RFPL2: variants seen among roughly 807,000 people sequenced by gnomAD.
RFPL2 encodes the protein ret finger protein like 2.
Under a neutral mutation model 17.8 loss-of-function variants are expected in RFPL2, and 13 were observed. The ratio of observed to expected loss-of-function variants is 0.73; its 90% CI spans 0.47 to 1.16. The LOEUF (loss-of-function observed/expected upper bound fraction) is 1.16, where lower values mean the gene tolerates loss of function less well. Among genes scored for constraint, RFPL2 ranks in the 50% most tolerant of loss-of-function variants. RFPL2 has a pLI of 0.00. For synonymous variants in RFPL2, 189 were observed against 180.9 expected (o/e 1.04, Z -0.36); for missense variants, 431 against 479.3 (o/e 0.90, Z 0.94).
intron 2 of RFPL2, among the ~76,000 whole-genome samples, chr22:32,196,765 G>A (rs2123784197): frequency 6.6e-6 from 1 of 152,328 alleles, no homozygotes; most frequent in African/African-American, 2.4e-5. Flanking sequence ...GAAGAGATGT[G>A]ATGTCAATGA....
chr22:32,201,807 C>T (rs1037272114), intron 2 of RFPL2, among the ~76,000 whole-genome samples: 1 of 152,252 alleles, frequency 6.6e-6, no homozygotes, highest in South Asian at 2.1e-4. Context: ...AAACTGGGGG[C>T]ATCAGCAGCA....
In RFPL2 at chr22:32,197,207, T is replaced by C. The variant is rs1365374787; in HGVS notation, c.120-2717A>G. On this transcript the variant is annotated intron_variant, in intron 2 of 4. Coordinates refer to ENST00000652607, the MANE Select transcript of RFPL2 (RefSeq NM_001394555.1). ...GCACAGTGGCTCTGCAGCAGAAATC[T>C]TAGTGAATGTAAAGATATGAGTCCC... 2.0e-5 allele frequency among the ~76,000 whole-genome samples: 3 copies of C among 152,160 alleles called. No individual in the cohort carries two copies. The East Asian group carries it at 5.8e-4, about 29-fold the overall frequency.
At chr22:32,204,334 C>T (rs1187152434) in intron 1 of RFPL2, among the ~76,000 whole-genome samples, 1 of 152,162 alleles carries the variant, frequency 6.6e-6, no homozygotes, top group East Asian at 1.9e-4. Flanking sequence ...ACGGATAGCG[C>T]CCCCAGCAAG....
At chr22:32,191,693 C>T (rs756072724) in intron 4 of RFPL2, among the ~76,000 whole-genome samples, 2 of 152,146 alleles carry the variant, frequency 1.3e-5, no homozygotes, top group Non-Finnish European at 1.5e-5. Context: ...AATGATAAGA[C>T]AATGCAAGTG....
At chr22:32,196,794 G>C (rs1202248363) in intron 2 of RFPL2, among the ~76,000 whole-genome samples, 1 of 152,198 alleles carries the variant, frequency 6.6e-6, no homozygotes, top group African/African-American at 2.4e-5. Flanking sequence ...CATAGTGCAG[G>C]GTGAGGCAGC....
At chr22:32,202,900 T>A (rs1433093922) in intron 1 of RFPL2, 5 of 1,000,310 alleles carry the variant, frequency 5.0e-6, no homozygotes, top group African/African-American at 1.7e-5. Flanking sequence ...CACTACTGCG[T>A]GCCCCGGGGT....
Position 32,190,887 on chromosome 22 carries a change from C to T in RFPL2, c.1022G>A (p.Arg341His), listed in dbSNP as rs984497336. The T allele has an allele frequency of 6.3e-6, 10 of 1,594,104 alleles. No homozygotes were observed. Among genetic ancestry groups the T allele is most frequent in the South Asian group, 1.1e-5 (1 of 88,396 alleles). ...FRSVSAEEPL[R>H]PFLAPSVPPN... The stretch of plus-strand genomic sequence containing the variant: ...TGGAACTGAAGGAGCCAAAAATGGG[C>T]GCAATGGCTCCTCAGCAGATACGCT... Residue 341 changes from arginine (R) to histidine (H), a missense_variant, in exon 5 of 5, where the codon CGC (arginine) becomes CAC (histidine). Coordinates refer to ENST00000652607, the MANE Select transcript of RFPL2 (RefSeq NM_001394555.1).
rs367932991 is a variant in RFPL2 at position 32,202,493 on chromosome 22, G to T, written c.-42C>A. 139 of 1,556,502 alleles carry T rather than the reference G, an allele frequency of 8.9e-5. No homozygotes were observed. In the African/African-American group the frequency reaches 1.8e-3, roughly 20 times the overall value. On this transcript the variant is annotated 5_prime_UTR_variant, in exon 2 of 5. Coordinates refer to ENST00000652607, the MANE Select transcript of RFPL2 (RefSeq NM_001394555.1). ...TGCCACAGGCTCTAGCCTCCAGCCCGTGGCATGTAGCTCCTTCTCAGGGCA... is the reference window on the plus strand; with the variant it reads ...TGCCACAGGCTCTAGCCTCCAGCCCTTGGCATGTAGCTCCTTCTCAGGGCA...
chr22:32,190,508 T>C lies in RFPL2; in HGVS notation c.*264A>G, dbSNP rs1360799841. The stretch of plus-strand genomic sequence containing the variant: ...ATTTGAACTTGCAGAAATAAAAAAG[T>C]AAAGCATTTGGAAATTGATCCCAGA... On this transcript the variant is annotated 3_prime_UTR_variant, in exon 5 of 5. Transcript: ENST00000652607. 5.9e-6 allele frequency: 2 copies of C among 339,020 alleles called. No individual in the cohort carries two copies. The highest frequency in any genetic ancestry group is 4.2e-5 in the African/African-American group (2 of 47,286). 21.0% of individuals were successfully genotyped at this position (339,020 alleles called of 1,614,324 possible). A position where few individuals can be genotyped will look rare whatever the true frequency, so the allele number is the denominator to read the frequency against.
At chr22:32,200,505 G>C (rs1404463091) in intron 2 of RFPL2, among the ~76,000 whole-genome samples, 4 of 152,072 alleles carry the variant, frequency 2.6e-5, no homozygotes, top group Admixed American at 2.0e-4. Flanking sequence ...CAGACTCCCA[G>C]GGGTGTCTCC....
intron 2 of RFPL2, among the ~76,000 whole-genome samples, chr22:32,196,408 G>T (rs1471762634): frequency 6.6e-6 from 1 of 152,176 alleles, no homozygotes; most frequent in East Asian, 1.9e-4. Flanking sequence ...ATGATTTACA[G>T]TGGGATGAGA....
chr22:32,193,882 AAAAAG>A (rs1301902433), intron 3 of RFPL2, among the ~76,000 whole-genome samples: 3 of 151,260 alleles, frequency 2.0e-5, no homozygotes, highest in Non-Finnish European at 3.0e-5. Context: ...AAAAAAAAAA[AAAAAG>A]AGGGGCTGGA....
chr22:32,202,457 G>A lies in RFPL2; in HGVS notation c.-6C>T. 2 of 1,581,664 alleles carry A rather than the reference G, an allele frequency of 1.3e-6. No homozygotes were observed. Among genetic ancestry groups the A allele is most frequent in the East Asian group, 2.3e-5 (1 of 43,338 alleles). On this transcript the variant is annotated 5_prime_UTR_variant, in exon 2 of 5. Transcript: ENST00000652607. ...CCTAATTCAGCCACCTCCATCGGAG[G>A]CAAATCATGGTGCCACAGGCTCTAG... is the stretch of plus-strand genomic sequence containing the variant.
At chr22:32,191,919 G>GAAA (rs136476) in intron 4 of RFPL2, among the ~76,000 whole-genome samples, 4 of 148,578 alleles carry the variant, frequency 2.7e-5, no homozygotes, top group African/African-American at 9.8e-5. Context: ...AGAACATTCT[G>GAAA]AAAAAAAAAA....
At chr22:32,192,788 T>A (rs946355399) in intron 4 of RFPL2, 114 bp downstream of exon 4, 4 of 1,406,732 alleles carry the variant, frequency 2.8e-6, no homozygotes, top group Non-Finnish European at 3.9e-6. Context: ...ATGAAGCATC[T>A]CAATTTTAGG....
chr22:32,199,569 A>ACTT (rs1450205267), intron 2 of RFPL2, among the ~76,000 whole-genome samples: 1 of 152,174 alleles, frequency 6.6e-6, no homozygotes, highest in Non-Finnish European at 1.5e-5. Context: ...CCCAGACTGA[A>ACTT]TTCAACAGGA....
At chr22:32,202,196 C>G in intron 2 of RFPL2, 137 bp downstream of exon 2, 1 of 1,078,396 alleles carries the variant, frequency 9.3e-7, no homozygotes, top group Non-Finnish European at 1.3e-6. Context: ...GTCTTCCTCT[C>G]CCTGGACTCC....
chr22:32,194,219 G>C, intron 3 of RFPL2, 126 bp downstream of exon 3: 1 of 1,121,662 alleles, frequency 8.9e-7, no homozygotes, highest in Non-Finnish European at 1.2e-6. Context: ...TTCCAACTCT[G>C]AGGCAGCACT....
chr22:32,192,885 G>T lies in RFPL2; in HGVS notation c.556+17C>A, dbSNP rs138089877. 5.1e-3 allele frequency: 8,230 copies of T among 1,598,336 alleles called. 232 individuals are homozygous for T. The African/African-American group carries it at 0.063, about 12-fold the overall frequency. ...GGTCTGGTCTTGGGAAGGGGGCAGGGTATACAGATGCCTTACCTTGGAACT... is the reference window on the plus strand; with the variant it reads ...GGTCTGGTCTTGGGAAGGGGGCAGGTTATACAGATGCCTTACCTTGGAACT... On this transcript the variant is annotated intron_variant, in intron 4 of 4. Transcript: ENST00000652607.
Sources: gnomAD v4.1 joint callset for allele counts (sites outside exome capture counted in the v4.1 genomes callset) on GRCh38, gnomAD v4.1.1 for gene constraint, MANE v1.5 for transcripts, NCBI Gene and HGNC (gene_info 2026-07-23, HGNC 2026-07-21) for gene names.